ANKRD17: variants seen among roughly 807,000 people sequenced by gnomAD.
ANKRD17 encodes the protein ankyrin repeat domain-containing protein 17.
Under a neutral mutation model 229.7 loss-of-function variants are expected in ANKRD17, and 19 were observed. That is an observed-to-expected ratio of 0.08 (90% CI 0.06 to 0.12). The LOEUF (loss-of-function observed/expected upper bound fraction) is 0.12. Among genes scored for constraint, ANKRD17 ranks in the 10% least tolerant of loss-of-function variants. The probability of loss-of-function intolerance (pLI) is 1.00; values close to 1 mark genes in which losing one functional copy is unlikely to be tolerated. For missense variants in ANKRD17, 2,176 were observed against 3,176.8 expected, an observed-to-expected ratio of 0.68 and a Z score of 7.57; for synonymous variants, 1,112 against 1,146.1, an observed-to-expected ratio of 0.97 and a Z score of 0.60.
intron 1 of ANKRD17, among the ~76,000 whole-genome samples, chr4:73,247,927 G>A (rs201949072): frequency 0.22 from 33,364 of 151,628 alleles, 4,776 homozygotes; most frequent in African/African-American, 0.41. Context: ...CTATTCTTTA[G>A]ATCTTTTTGA....
intron 1 of ANKRD17, among the ~76,000 whole-genome samples, chr4:73,250,000 T>C (rs571712603): frequency 1.3e-5 from 2 of 152,358 alleles, no homozygotes; most frequent in Admixed American, 6.5e-5. Flanking sequence ...TTAGTCATCA[T>C]TTTCATGGTA....
intron 16 of ANKRD17, among the ~76,000 whole-genome samples, chr4:73,132,141 T>C (rs1410126940): frequency 1.3e-5 from 2 of 151,380 alleles, no homozygotes; most frequent in African/African-American, 4.9e-5. Context: ...AGTTTCACTC[T>C]GTCGCCCAGG....
Position 73,097,216 on chromosome 4 carries a change from G to C in ANKRD17, c.5078C>G (p.Ser1693Cys). ...TGGAGAAGAAAGGGGAGATGGACCA[G>C]ATTTTGTACAAGTAGATAGAGAATT... The part of the protein sequence containing the change: ...TSNSLSTCTK[S>C]GPSPLSSPNG... Residue 1693 changes from serine (S) to cysteine (C), a missense_variant, in exon 27 of 34, where the codon TCT becomes TGT. Ser to Cys is a moderately radical substitution (Grantham distance 112, BLOSUM62 -1). This residue lies in a region of ANKRD17 where 98 missense variants were observed against 101.0 expected (regional missense o/e 0.97). Transcript: ENST00000358602. The C allele has an allele frequency of 6.2e-7, 1 of 1,610,606 alleles. No individual in the cohort carries two copies. Among genetic ancestry groups the C allele is most frequent in the Non-Finnish European group, 8.5e-7 (1 of 1,178,568 alleles).
chr4:73,093,617 G>A (rs1316694170), intron 28 of ANKRD17, among the ~76,000 whole-genome samples: 1 of 151,758 alleles, frequency 6.6e-6, no homozygotes, highest in African/African-American at 2.4e-5. Flanking sequence ...CAGGTGATCC[G>A]CCCGCCTCAG....
chr4:73,236,362 C>A (rs988455905), intron 1 of ANKRD17, among the ~76,000 whole-genome samples: 1 of 152,044 alleles, frequency 6.6e-6, no homozygotes, highest in East Asian at 1.9e-4. Context: ...CTATGTTGAC[C>A]AGGAGAGTCT....
intron 2 of ANKRD17, among the ~76,000 whole-genome samples, chr4:73,169,442 C>G (rs1048245349): frequency 1.3e-5 from 2 of 151,978 alleles, no homozygotes; most frequent in Admixed American, 6.6e-5. Flanking sequence ...TAGACCAACT[C>G]AGGGCCTAGG....
At position 73,091,216 on chromosome 4, in the gene ANKRD17, G is replaced by C. The variant is rs201864802; in HGVS notation, c.6412C>G (p.Pro2138Ala). The change falls in exon 29 of 34, where the codon CCT (proline) becomes GCT (alanine). Residue 2138 changes from proline to alanine, a missense_variant. Pro to Ala is a conservative substitution (Grantham distance 27, BLOSUM62 -1). Around this residue, in one of 18 missense-constraint regions of ANKRD17, gnomAD observed 424 missense variants for 454.0 expected, o/e 0.93. Transcript: ENST00000358602. The part of the protein sequence containing the change: ...VPPPEVRMTV[P>A]PLATSSAPVA... Reference sequence around the variant, plus strand: ...GGAGCAGAACTTGTTGCTAAAGGAGGAACAGTCATTCTAACTTCCGGGGGA... The same window carrying C: ...GGAGCAGAACTTGTTGCTAAAGGAGCAACAGTCATTCTAACTTCCGGGGGA... 4.5e-5 allele frequency: 72 copies of C among 1,614,088 alleles called. No homozygotes were observed. In the Middle Eastern group the frequency reaches 6.6e-4, roughly 15 times the overall value.
chr4:73,076,170 TCGGCCA>T lies in ANKRD17; in HGVS notation c.*55_*60del. The T allele has an allele frequency of 6.7e-7, 1 of 1,501,026 alleles. No individual in the cohort carries two copies. The allele number at this position is 1,501,026 out of a possible 1,614,324, so 93.0% of individuals were successfully genotyped here. A position where few individuals can be genotyped will look rare whatever the true frequency, so the allele number is the denominator to read the frequency against. On this transcript the variant is annotated 3_prime_UTR_variant, in exon 34 of 34. Transcript: ENST00000358602. ...TGATTTGGGAGCATAATTTTTTTTT[TCGGCCA>T]CTTGTGATTTCCTCCAAATGAAAAG...
chr4:73,245,226 T>C (rs1054071252), intron 1 of ANKRD17, among the ~76,000 whole-genome samples: 2 of 68,044 alleles, frequency 2.9e-5, no homozygotes, highest in African/African-American at 6.3e-5. Context: ...GGTTTCTTCT[T>C]AGAAAGAAGA....
intron 10 of ANKRD17, among the ~76,000 whole-genome samples, chr4:73,145,058 C>A (rs1730081132): frequency 6.6e-6 from 1 of 152,064 alleles, no homozygotes; most frequent in East Asian, 1.9e-4. Flanking sequence ...AAAGTGAGCA[C>A]TGGAAATAAT....
At chr4:73,150,910 A>G (rs774607339) in intron 7 of ANKRD17, among the ~76,000 whole-genome samples, 1 of 152,236 alleles carries the variant, frequency 6.6e-6, no homozygotes, top group East Asian at 1.9e-4. Context: ...AGGGGAAATT[A>G]TGTAACATAA....
At position 73,074,521 on chromosome 4, in the gene ANKRD17, A is replaced by C. The variant is rs1438815887; in HGVS notation, c.*1710T>G. 1 of 151,960 alleles carries C rather than the reference A, an allele frequency of 6.6e-6. No homozygotes were observed. The highest frequency in any genetic ancestry group is 1.5e-5 in the Non-Finnish European group (1 of 67,852). 9.4% of individuals were successfully genotyped at this position (151,960 alleles called of 1,614,324 possible). A position where few individuals can be genotyped will look rare whatever the true frequency, so the allele number is the denominator to read the frequency against. ...TAAACATAGGTGGAAAAACAAATTT[A>C]TATATTTTAAGACCACTTCTTAAAC... On this transcript the variant is annotated 3_prime_UTR_variant, in exon 34 of 34. Coordinates refer to ENST00000358602, the MANE Select transcript of ANKRD17 (RefSeq NM_032217.5).
chr4:73,143,559 A>G (rs1354618089), intron 11 of ANKRD17, among the ~76,000 whole-genome samples: 1 of 152,236 alleles, frequency 6.6e-6, no homozygotes, highest in African/African-American at 2.4e-5. Context: ...ATAATGCTAT[A>G]TATTCATAAC....
chr4:73,217,998 T>A (rs1169150008), intron 1 of ANKRD17, among the ~76,000 whole-genome samples: 1 of 152,068 alleles, frequency 6.6e-6, no homozygotes, highest in Non-Finnish European at 1.5e-5. Context: ...TGTGTATGTT[T>A]GTGTGTGTGT....
rs888691223 is a variant in ANKRD17 at position 73,113,186 on chromosome 4, A to G, written c.4401+606T>C. The G allele has an allele frequency of 7.4e-5, 95 of 1,285,812 alleles. 1 individual carries two copies. Among genetic ancestry groups the G allele is most frequent in the South Asian group, 2.4e-4 (19 of 80,292 alleles). The allele number at this position is 1,285,812 out of a possible 1,614,324, so 79.7% of individuals were successfully genotyped here. On this transcript the variant is annotated intron_variant, in intron 24 of 33. Coordinates refer to ENST00000358602, the MANE Select transcript of ANKRD17 (RefSeq NM_032217.5). ...TTACTATTCAGTTAAGTTCTAGAGT[A>G]CAGAATTATAGGGGAAAATGTGGCA... is the stretch of plus-strand genomic sequence containing the variant.
intron 25 of ANKRD17, 52 bp downstream of exon 25, chr4:73,102,324 A>T (rs1285526223): frequency 2.0e-6 from 3 of 1,522,792 alleles, no homozygotes; most frequent in Non-Finnish European, 2.7e-6. Context: ...TCAAGTAAAT[A>T]TAATTTTAAC....
At chr4:73,195,636 G>A (rs981415180) in intron 1 of ANKRD17, among the ~76,000 whole-genome samples, 2 of 151,926 alleles carry the variant, frequency 1.3e-5, no homozygotes, top group African/African-American at 4.8e-5. Flanking sequence ...AGCCTCCCGA[G>A]TAGCTGAGAC....
intron 7 of ANKRD17, among the ~76,000 whole-genome samples, chr4:73,151,056 T>C (rs1730942351): frequency 6.6e-6 from 1 of 152,164 alleles, no homozygotes; most frequent in South Asian, 2.1e-4. Context: ...AGAGGGGGTC[T>C]TGGTATGTTG....
At position 73,086,678 on chromosome 4, in the gene ANKRD17, T is replaced by G. The variant is rs998888754; in HGVS notation, c.6962-1232A>C. 6.6e-5 allele frequency among the ~76,000 whole-genome samples: 10 copies of G among 151,212 alleles called. No individual in the cohort carries two copies. In the East Asian group the frequency reaches 2.0e-3, roughly 30 times the overall value. On this transcript the variant is annotated intron_variant, in intron 29 of 33. Coordinates refer to ENST00000358602, the MANE Select transcript of ANKRD17 (RefSeq NM_032217.5). ...ATCATAGCTCACGGTAGCCACAAAC[T>G]CTTGGGCTCAAGCAACCCTCTTGCC... is the stretch of plus-strand genomic sequence containing the variant.
Sources: gnomAD v4.1 joint callset for allele counts (sites outside exome capture counted in the v4.1 genomes callset) on GRCh38, gnomAD v4.1.1 for gene constraint, gnomAD v4.1.1 regional missense constraint, MANE v1.5 for transcripts, NCBI Gene and HGNC (gene_info 2026-07-23, HGNC 2026-07-21) for gene names.